CNTN1: variants seen among roughly 807,000 people sequenced by gnomAD.
The protein encoded by CNTN1 is contactin-1.
A neutral mutation model predicts 126.4 loss-of-function variants in CNTN1; 38 were observed. The observed-to-expected ratio is 0.30, with a 90% CI of 0.23 to 0.39. The LOEUF (loss-of-function observed/expected upper bound fraction) is 0.39, where lower values mean the gene tolerates loss of function less well. Ranked by LOEUF, CNTN1 falls within the 10% of genes least tolerant of loss-of-function variation. CNTN1 has a pLI of 1.00. For missense variants in CNTN1, 1,009 were observed against 1,248.4 expected (o/e 0.81, Z 2.89); for synonymous variants, 413 against 422.6 (o/e 0.98, Z 0.28).
At chr12:40,911,438 GAAACCC>G (rs1945033111) in intron 3 of CNTN1, among the ~76,000 whole-genome samples, 2 of 152,194 alleles carry the variant, frequency 1.3e-5, no homozygotes, top group Admixed American at 6.5e-5. Context: ...AGCAACAGCG[GAAACCC>G]CTGATAAACC....
intron 13 of CNTN1, 41 bp from the exon 14 acceptor site, chr12:40,943,954 T>C (rs1946348444): frequency 6.4e-7 from 1 of 1,569,212 alleles, no homozygotes. Context: ...TATTGTGTCT[T>C]ATATCTTCTT....
At chr12:41,003,778 C>T (rs548322578) in intron 17 of CNTN1, among the ~76,000 whole-genome samples, 6 of 151,880 alleles carry the variant, frequency 4.0e-5, no homozygotes, top group African/African-American at 7.3e-5. Flanking sequence ...CTTATATTTC[C>T]GTGGGGTAAG....
chr12:40,891,815 T>C (rs528333866), intron 1 of CNTN1, among the ~76,000 whole-genome samples: 1 of 152,224 alleles, frequency 6.6e-6, no homozygotes, highest in South Asian at 2.1e-4. Flanking sequence ...CTTTAAGTCT[T>C]GAGGTTGGAC....
intron 1 of CNTN1, among the ~76,000 whole-genome samples, chr12:40,870,820 G>C (rs924336975): frequency 4.6e-5 from 7 of 152,052 alleles, no homozygotes; most frequent in African/African-American, 1.7e-4. Context: ...CGTTGAGCTT[G>C]GCCAGTTCAT....
intron 1 of CNTN1, among the ~76,000 whole-genome samples, chr12:40,698,228 ATTTTTTTTTTT>A (rs35570862): frequency 4.3e-5 from 3 of 69,866 alleles, no homozygotes; most frequent in African/African-American, 1.7e-4. Context: ...CAGCCACTTA[ATTTTTTTTTTT>A]TTTTTTTTTT....
rs138302187 is a variant in CNTN1 at position 40,873,936 on chromosome 12, C to A, written c.-76-34421C>A. 3.9e-3 allele frequency among the ~76,000 whole-genome samples: 601 copies of A among 152,224 alleles called. 4 individuals carry two copies. Among genetic ancestry groups the A allele is most frequent in the African/African-American group, 0.01 (426 of 41,544 alleles). On this transcript the variant is annotated intron_variant, in intron 1 of 23. Transcript: ENST00000551295. ...TACCTCTCATCCTTCCAATCACCTG[C>A]TACATATAGAGACAGGAAAACTGGA...
intron 15 of CNTN1, among the ~76,000 whole-genome samples, chr12:40,977,496 TG>T (rs988580190): frequency 6.6e-6 from 1 of 152,092 alleles, no homozygotes; most frequent in Admixed American, 6.6e-5. Flanking sequence ...TTCAGATGGC[TG>T]GGGGGCTTAG....
At chr12:40,904,179 C>G (rs538670516) in intron 1 of CNTN1, among the ~76,000 whole-genome samples, 1 of 151,968 alleles carries the variant, frequency 6.6e-6, no homozygotes, top group East Asian at 1.9e-4. Flanking sequence ...CCACCACGCA[C>G]AGCTAATTTT....
chr12:40,860,252 C>T (rs1363193092), intron 1 of CNTN1, among the ~76,000 whole-genome samples: 5 of 152,062 alleles, frequency 3.3e-5, no homozygotes, highest in South Asian at 4.1e-4. Flanking sequence ...TGAAAAATTT[C>T]CTGATGATAC....
chr12:40,805,337 A>G (rs1119060), intron 1 of CNTN1, among the ~76,000 whole-genome samples: 52,118 of 151,746 alleles, frequency 0.34, 9,369 homozygotes, highest in East Asian at 0.53. Flanking sequence ...GAAGCTCTGC[A>G]CTATGTTTTT....
intron 1 of CNTN1, among the ~76,000 whole-genome samples, chr12:40,884,686 CAT>C (rs1943972998): frequency 1.3e-5 from 2 of 151,232 alleles, no homozygotes; most frequent in African/African-American, 2.4e-5. Flanking sequence ...ATTTTTTATT[CAT>C]ATGTCATACA....
intron 3 of CNTN1, 34 bp from the exon 4 acceptor site, chr12:40,918,605 A>G (rs1011314122): frequency 6.3e-7 from 1 of 1,598,660 alleles, no homozygotes; most frequent in Non-Finnish European, 8.6e-7. Context: ...CTTATAAAGC[A>G]GTACAATGTA....
chr12:40,840,952 T>C (rs1942253036), intron 1 of CNTN1, among the ~76,000 whole-genome samples: 1 of 148,766 alleles, frequency 6.7e-6, no homozygotes, highest in Non-Finnish European at 1.5e-5. Flanking sequence ...AAAATAAAAA[T>C]GAGACCAGAA....
intron 1 of CNTN1, among the ~76,000 whole-genome samples, chr12:40,813,415 A>C (rs1387764890): frequency 6.6e-6 from 1 of 151,086 alleles, no homozygotes; most frequent in East Asian, 1.9e-4. Flanking sequence ...TCAATGTTCA[A>C]CTCCTTCTTA....
At chr12:40,881,897 C>A (rs1273387684) in intron 1 of CNTN1, among the ~76,000 whole-genome samples, 1 of 151,784 alleles carries the variant, frequency 6.6e-6, no homozygotes, top group Non-Finnish European at 1.5e-5. Context: ...AATTCTAGAC[C>A]ATTTTGCCCT....
At chr12:40,869,167 T>C (rs1943405170) in intron 1 of CNTN1, among the ~76,000 whole-genome samples, 1 of 151,630 alleles carries the variant, frequency 6.6e-6, no homozygotes, top group African/African-American at 2.4e-5. Context: ...TATACAATAA[T>C]AATTTAAGTA....
At chr12:40,875,111 C>T (rs1333604656) in intron 1 of CNTN1, among the ~76,000 whole-genome samples, 2 of 152,156 alleles carry the variant, frequency 1.3e-5, no homozygotes, top group African/African-American at 2.4e-5. Flanking sequence ...TATAATGACT[C>T]ATGCCTAAAC....
At chr12:40,700,593 C>T (rs1434267643) in intron 1 of CNTN1, among the ~76,000 whole-genome samples, 1 of 151,746 alleles carries the variant, frequency 6.6e-6, no homozygotes, top group Middle Eastern at 3.2e-3. Context: ...CAACTTTAGT[C>T]TTCAGGTTTT....
Position 40,913,310 on chromosome 12 carries a change from G to A in CNTN1, c.94+3205G>A, listed in dbSNP as rs187394599. Among the ~76,000 whole-genome samples, 12 of 152,318 alleles carry A rather than the reference G, an allele frequency of 7.9e-5. No individual in the cohort carries two copies. In the East Asian group the frequency reaches 1.5e-3, roughly 20 times the overall value. On this transcript the variant is annotated intron_variant, in intron 3 of 23. Coordinates refer to ENST00000551295, the MANE Select transcript of CNTN1 (RefSeq NM_001843.4). ...TGTTATCAGCAGGAAATGGTTGGCA[G>A]TGGAGATAGGAAGCTGTAATATGTG...
Sources: gnomAD v4.1 joint callset for allele counts (sites outside exome capture counted in the v4.1 genomes callset) on GRCh38, gnomAD v4.1.1 for gene constraint, MANE v1.5 for transcripts, NCBI Gene and HGNC (gene_info 2026-07-23, HGNC 2026-07-21) for gene names.